ELFN2: variants seen among roughly 807,000 people sequenced by gnomAD.
ELFN2 encodes the protein extracellular leucine rich repeat and fibronectin type III domain containing 2.
In ELFN2, 17 loss-of-function variants were observed where a neutral mutation model predicts 45.5. The ratio of observed to expected loss-of-function variants is 0.37; its 90% confidence interval spans 0.26 to 0.56. ELFN2 has a LOEUF of 0.56. ELFN2 is among the 20% of genes least tolerant of loss of function. The pLI, the probability that ELFN2 is intolerant of heterozygous loss-of-function variation, is 0.77. For missense variants in ELFN2, 922 were observed against 1,183.2 expected, an observed-to-expected ratio of 0.78 and a Z score of 3.24; for synonymous variants, 550 against 551.5, an observed-to-expected ratio of 1.00 and a Z score of 0.04.
At position 37,397,397 on chromosome 22, in the gene ELFN2, C is replaced by T. The variant is rs527245674; in HGVS notation, c.-463+20372G>A. On this transcript the variant is annotated intron_variant, in intron 2 of 2. Transcript: ENST00000402918. ...GTCTCCACTCGCTCACCCCCACCCA[C>T]GCTGAGTGTGCCCATTATTATGACT... 2.4e-4 allele frequency among the ~76,000 whole-genome samples: 37 copies of T among 152,360 alleles called. No individual in the cohort carries two copies. In the South Asian group the frequency reaches 6.4e-3, roughly 26 times the overall value.
intron 1 of ELFN2, among the ~76,000 whole-genome samples, chr22:37,422,105 G>C (rs528148341): frequency 6.6e-6 from 1 of 152,288 alleles, no homozygotes; most frequent in East Asian, 1.9e-4. Context: ...CAGCACCCAG[G>C]CTCTTTTCAT....
chr22:37,422,603 G>A (rs1932817247), intron 1 of ELFN2, among the ~76,000 whole-genome samples: 1 of 151,768 alleles, frequency 6.6e-6, no homozygotes, highest in South Asian at 2.1e-4. Context: ...TACTGGGGAA[G>A]TTTTTTTTGA....
intron 2 of ELFN2, among the ~76,000 whole-genome samples, chr22:37,390,349 A>G (rs991897696): frequency 1.3e-5 from 2 of 152,234 alleles, no homozygotes; most frequent in Non-Finnish European, 2.9e-5. Flanking sequence ...CCATGCATTG[A>G]TCTCATGCTG....
chr22:37,344,846 C>T (rs1478969492), intron 1 of ELFN2, among the ~76,000 whole-genome samples: 1 of 152,190 alleles, frequency 6.6e-6, no homozygotes. Context: ...TCCTCAGGTG[C>T]GCAGGGGGCG....
At chr22:37,393,905 A>G (rs1018031067) in intron 2 of ELFN2, among the ~76,000 whole-genome samples, 13 of 152,064 alleles carry the variant, frequency 8.5e-5, no homozygotes, top group Admixed American at 1.3e-4. Context: ...AGATGCCCCA[A>G]TCCATCTCCA....
downstream of ELFN2, among the ~76,000 whole-genome samples, chr22:37,367,290 C>T (rs1370617635): frequency 6.6e-6 from 1 of 152,222 alleles, no homozygotes; most frequent in Non-Finnish European, 1.5e-5. Flanking sequence ...AGTGCCTCAG[C>T]CTGACCAGAG....
chr22:37,399,326 C>T (rs1299866225), intron 2 of ELFN2, among the ~76,000 whole-genome samples: 1 of 152,160 alleles, frequency 6.6e-6, no homozygotes, highest in Admixed American at 6.5e-5. Context: ...CAAGTCTGCC[C>T]CTGTGTGGGC....
intron 2 of ELFN2, among the ~76,000 whole-genome samples, chr22:37,396,827 C>A (rs1189422542): frequency 2.0e-5 from 3 of 152,154 alleles, no homozygotes; most frequent in Non-Finnish European, 4.4e-5. Flanking sequence ...GCCCAGATCC[C>A]AGCTTTCCCG....
chr22:37,361,910 T>G (rs1451225649), intron 1 of ELFN2, among the ~76,000 whole-genome samples: 1 of 152,028 alleles, frequency 6.6e-6, no homozygotes, highest in Non-Finnish European at 1.5e-5. Flanking sequence ...CAGCACTATC[T>G]CACAACTTAA....
At position 37,375,835 on chromosome 22, in the gene ELFN2, T is replaced by C. The variant is rs1049369815; in HGVS notation, c.-301A>G. 4 of 385,446 alleles carry C rather than the reference T, an allele frequency of 1.0e-5. No homozygotes were observed. Among genetic ancestry groups the C allele is most frequent in the Non-Finnish European group, 9.3e-6 (2 of 215,072 alleles). The allele number at this position is 385,446 out of a possible 1,614,324, so 23.9% of individuals were successfully genotyped here. On this transcript the variant is annotated 5_prime_UTR_variant, in exon 3 of 3. Coordinates refer to ENST00000402918, the MANE Select transcript of ELFN2 (RefSeq NM_052906.5). ...AGGGTTCTCAGGGCTTGACTTCCTC[T>C]CCCTCCTCCTCCTCCTCCTCCTCCT... is the stretch of plus-strand genomic sequence containing the variant.
chr22:37,407,788 G>A (rs1441759127), intron 2 of ELFN2, among the ~76,000 whole-genome samples: 1 of 152,010 alleles, frequency 6.6e-6, no homozygotes, highest in African/African-American at 2.4e-5. Flanking sequence ...CCAGCTACTC[G>A]GGAGGCTGAG....
chr22:37,351,517 C>G (rs1489362578), intron 1 of ELFN2, among the ~76,000 whole-genome samples: 1 of 150,452 alleles, frequency 6.6e-6, no homozygotes, highest in East Asian at 1.9e-4. Flanking sequence ...CCTGCCAGGC[C>G]TGCAGCCTCC....
At chr22:37,394,886 C>T (rs1280999768) in intron 2 of ELFN2, among the ~76,000 whole-genome samples, 1 of 152,018 alleles carries the variant, frequency 6.6e-6, no homozygotes, top group African/African-American at 2.4e-5. Context: ...GGGCGGATCA[C>T]GAGGTCAGGA....
intron 1 of ELFN2, among the ~76,000 whole-genome samples, chr22:37,420,907 C>T (rs1247553861): frequency 2.6e-5 from 4 of 152,140 alleles, no homozygotes; most frequent in Non-Finnish European, 5.9e-5. Flanking sequence ...CCGGAGGGTT[C>T]TGGGAGGAGT....
intron 2 of ELFN2, among the ~76,000 whole-genome samples, chr22:37,386,904 G>A (rs1931962021): frequency 6.6e-6 from 1 of 152,198 alleles, no homozygotes; most frequent in Non-Finnish European, 1.5e-5. Flanking sequence ...ATCTGTCCTG[G>A]GTCTCGGTTT....
chr22:37,416,310 C>A (rs1364989131), intron 2 of ELFN2, among the ~76,000 whole-genome samples: 1 of 152,270 alleles, frequency 6.6e-6, no homozygotes, highest in East Asian at 1.9e-4. Flanking sequence ...CTGCTGAGTC[C>A]GGCACTCAGG....
In ELFN2 at chr22:37,375,435, C is replaced by G; in HGVS notation, c.100G>C (p.Val34Leu). ...CWLIEGDKGY[V>L]WLAICSQNQP... ...TTCTGGCTGCAGATGGCCAGCCACACGTAGCCCTTGTCGCCCTCAATGAGC... is the reference window on the plus strand; with the variant it reads ...TTCTGGCTGCAGATGGCCAGCCACAGGTAGCCCTTGTCGCCCTCAATGAGC... The change falls in exon 3 of 3, where the codon GTG (valine) becomes CTG (leucine). Residue 34 changes from valine to leucine, a missense_variant. Around this residue, in one of 2 missense-constraint regions of ELFN2, gnomAD observed 358 missense variants for 540.4 expected, o/e 0.66. Coordinates refer to ENST00000402918, the MANE Select transcript of ELFN2 (RefSeq NM_052906.5). The G allele has an allele frequency of 6.2e-7, 1 of 1,613,790 alleles. No homozygotes were observed. The highest frequency in any genetic ancestry group is 8.5e-7 in the Non-Finnish European group (1 of 1,179,870).
chr22:37,424,679 GC>G (rs1323709154), intron 1 of ELFN2, among the ~76,000 whole-genome samples: 1 of 133,204 alleles, frequency 7.5e-6, no homozygotes, highest in Non-Finnish European at 1.7e-5. Flanking sequence ...ACTGAGGGCG[GC>G]GGGGGGGGGG....
chr22:37,343,614 C>T (rs903179173), intron 1 of ELFN2, among the ~76,000 whole-genome samples: 6 of 152,046 alleles, frequency 3.9e-5, no homozygotes, highest in Non-Finnish European at 7.4e-5. Context: ...GCTGCTCAGC[C>T]GTGAGGATGA....
Sources: allele counts gnomAD v4.1 joint callset (sites outside exome capture counted in the v4.1 genomes callset), GRCh38; gene constraint gnomAD v4.1.1; regional missense constraint gnomAD v4.1.1; transcripts MANE v1.5; gene names NCBI Gene and HGNC (gene_info 2026-07-23, HGNC 2026-07-21).